Variants in TFPT observed in about 807,000 individuals in gnomAD.
The protein encoded by TFPT is INO80 complex subunit F.
In TFPT, 27 loss-of-function variants were observed where a neutral mutation model predicts 28.8. That is an observed-to-expected ratio of 0.94 (90% confidence interval 0.69 to 1.29). The LOEUF (loss-of-function observed/expected upper bound fraction) is 1.29. Among genes scored for constraint, TFPT ranks in the 50% most tolerant of loss-of-function variants. The probability of loss-of-function intolerance (pLI) is 0.00; values close to 1 mark genes in which losing one functional copy is unlikely to be tolerated. For synonymous variants in TFPT, 152 were observed against 142.8 expected, an observed-to-expected ratio of 1.06 and a Z score of -0.46; for missense variants, 330 against 338.0, an observed-to-expected ratio of 0.98 and a Z score of 0.19.
intron 1 of TFPT, 47 bp downstream of exon 1, chr19:54,115,200 A>G: frequency 6.2e-7 from 1 of 1,613,940 alleles, no homozygotes; most frequent in Middle Eastern, 1.7e-4. Context: ...ATGCAGCTGC[A>G]CTGTTTTCTG....
intron 2 of TFPT, among the ~76,000 whole-genome samples, chr19:54,112,410 G>A (rs183526872): frequency 1.4e-3 from 219 of 152,254 alleles, no homozygotes; most frequent in African/African-American, 4.8e-3. Context: ...AGTCCGTTTG[G>A]GCCTTGGTGT....
At chr19:54,112,306 G>A (rs254267) in intron 2 of TFPT, among the ~76,000 whole-genome samples, 2,489 of 151,790 alleles carry the variant, frequency 0.016, 71 homozygotes, top group African/African-American at 0.057. Flanking sequence ...GAGCTTGGGT[G>A]CATTACTTAA....
rs1267017677 is a variant in TFPT at position 54,115,559 on chromosome 19, C to T, written c.-290G>A. The stretch of plus-strand genomic sequence containing the variant: ...GTCTCGACGCCCCGTCGTCCGGCCA[C>T]AGCGATTCTCTGCTTAGCAGGATCG... On this transcript the variant is annotated 5_prime_UTR_variant, in exon 1 of 6. The change creates a new upstream start codon in the 5' untranslated region. Coordinates refer to ENST00000391759, the MANE Select transcript of TFPT (RefSeq NM_013342.4). 2 of 578,820 alleles carry T rather than the reference C, an allele frequency of 3.5e-6. No individual in the cohort carries two copies. The highest frequency in any genetic ancestry group is 6.2e-6 in the Non-Finnish European group (2 of 324,508). The allele number at this position is 578,820 out of a possible 1,614,324, so 35.9% of individuals were successfully genotyped here. A position where few individuals can be genotyped will look rare whatever the true frequency, so the allele number is the denominator to read the frequency against.
Position 54,108,009 on chromosome 19 carries a change from G to A in TFPT, c.642+17C>T. On this transcript the variant is annotated intron_variant, in intron 5 of 5. Transcript: ENST00000391759. Reference sequence around the variant, plus strand: ...CTGGAGCCCCAGTCCCTCCCCTTGAGTTCCCGCCTTCCTCACCTGCACCGG... The same window carrying A: ...CTGGAGCCCCAGTCCCTCCCCTTGAATTCCCGCCTTCCTCACCTGCACCGG... 6.6e-7 allele frequency: 1 copy of A among 1,515,016 alleles called. No homozygotes were observed. The highest frequency in any genetic ancestry group is 8.8e-7 in the Non-Finnish European group (1 of 1,132,726). 93.8% of individuals were successfully genotyped at this position (1,515,016 alleles called of 1,614,324 possible).
At chr19:54,112,411 G>C (rs1238991832) in intron 2 of TFPT, among the ~76,000 whole-genome samples, 1 of 152,158 alleles carries the variant, frequency 6.6e-6, no homozygotes, top group Non-Finnish European at 1.5e-5. Flanking sequence ...GTCCGTTTGG[G>C]CCTTGGTGTC....
chr19:54,111,516 AG>A (rs1227266262), intron 2 of TFPT, among the ~76,000 whole-genome samples: 13 of 148,432 alleles, frequency 8.8e-5, no homozygotes, highest in Middle Eastern at 3.5e-3. Context: ...AAAAAAAAAA[AG>A]AAAAATACAA....
intron 3 of TFPT, chr19:54,109,263 G>C (rs2073375643): frequency 6.5e-6 from 1 of 152,986 alleles, no homozygotes; most frequent in Non-Finnish European, 1.5e-5. Flanking sequence ...CACAGGTACG[G>C]ACAGAGGAAC....
At chr19:54,109,559 C>T (rs966563411) in intron 3 of TFPT, among the ~76,000 whole-genome samples, 5 of 152,150 alleles carry the variant, frequency 3.3e-5, no homozygotes, top group Admixed American at 1.3e-4. Context: ...GCCACCTGGG[C>T]AGGTTCTGTG....
chr19:54,114,476 T>C lies in TFPT; in HGVS notation c.248A>G (p.Gln83Arg). 6.2e-7 allele frequency: 1 copy of C among 1,613,790 alleles called. No homozygotes were observed. The highest frequency in any genetic ancestry group is 1.1e-5 in the South Asian group (1 of 91,082). Residue 83 changes from glutamine to arginine, a missense_variant, in exon 2 of 6, where the codon CAG (glutamine) becomes CGG (arginine). Transcript: ENST00000391759. ...RQRELNRRKY[Q>R]ALGRRCREIE... ...CTCCCGGCAGCGCCGACCTAGTGCC[T>C]GGTACTTTCTGCGATTTAATTCCCG...
chr19:54,110,446 G>GT lies in TFPT; in HGVS notation c.283-326_283-325insA, dbSNP rs2073421584. Among the ~76,000 whole-genome samples, 3 of 152,280 alleles carry GT rather than the reference G, an allele frequency of 2.0e-5. No individual in the cohort carries two copies. The South Asian group carries it at 6.2e-4, about 32-fold the overall frequency. Reference sequence around the variant, plus strand: ...CTCCCATTAAGTCGAAACACACCAGGCCAGGTGCGGTGGCTCACGCCTGTA... The same window carrying GT: ...CTCCCATTAAGTCGAAACACACCAGGTCCAGGTGCGGTGGCTCACGCCTGTA... On this transcript the variant is annotated intron_variant, in intron 2 of 5. Coordinates refer to ENST00000391759, the MANE Select transcript of TFPT (RefSeq NM_013342.4).
intron 2 of TFPT, 48 bp from the exon 3 acceptor site, chr19:54,110,169 ATTTGT>A (rs775581444): frequency 1.2e-6 from 2 of 1,604,848 alleles, no homozygotes; most frequent in African/African-American, 2.7e-5. Flanking sequence ...GCTCCCGTTC[ATTTGT>A]TTAACGGATG....
At chr19:54,107,623 G>T (rs2073308869) in intron 5 of TFPT, 1 of 278,130 alleles carries the variant, frequency 3.6e-6, no homozygotes, top group South Asian at 9.4e-5. Flanking sequence ...GTGTTCCTGG[G>T]TCCAGATGTT....
intron 2 of TFPT, among the ~76,000 whole-genome samples, chr19:54,111,426 T>C (rs2073449646): frequency 6.8e-6 from 1 of 148,024 alleles, no homozygotes; most frequent in Non-Finnish European, 1.5e-5. Flanking sequence ...GCCTGTAATC[T>C]CAGCTACTCA....
chr19:54,107,958 C>G lies in TFPT; in HGVS notation c.642+68G>C, dbSNP rs906920504. ...CCCTGGCCCCTCCCCTTGAGTCCCCCCTCCTTACCTGCACTGGCGCCGGCT... is the reference window on the plus strand; with the variant it reads ...CCCTGGCCCCTCCCCTTGAGTCCCCGCTCCTTACCTGCACTGGCGCCGGCT... On this transcript the variant is annotated intron_variant, in intron 5 of 5. Coordinates refer to ENST00000391759, the MANE Select transcript of TFPT (RefSeq NM_013342.4). 4.1e-6 allele frequency: 6 copies of G among 1,471,618 alleles called. No individual in the cohort carries two copies. The African/African-American group carries it at 4.2e-5, about 10-fold the overall frequency. 91.2% of individuals were successfully genotyped at this position (1,471,618 alleles called of 1,614,324 possible). A position where few individuals can be genotyped will look rare whatever the true frequency, so the allele number is the denominator to read the frequency against.
chr19:54,115,079 T>A, intron 1 of TFPT, 168 bp downstream of exon 1: 2 of 1,044,970 alleles, frequency 1.9e-6, no homozygotes, highest in Non-Finnish European at 1.4e-6. Context: ...ACCCCTAACC[T>A]TCTCCTCCCT....
chr19:54,111,710 C>G (rs1319258890), intron 2 of TFPT, among the ~76,000 whole-genome samples: 1 of 147,862 alleles, frequency 6.8e-6, no homozygotes, highest in African/African-American at 2.5e-5. Context: ...AAGTGCCAGG[C>G]ACGGTGGCTC....
Position 54,108,114 on chromosome 19 carries a change from T to C in TFPT, c.554A>G (p.Glu185Gly). 5 of 1,575,280 alleles carry C rather than the reference T, an allele frequency of 3.2e-6. No individual in the cohort carries two copies. Among genetic ancestry groups the C allele is most frequent in the Non-Finnish European group, 4.3e-6 (5 of 1,160,364 alleles). Residue 185 changes from glutamate to glycine, a missense_variant, in exon 5 of 6, where the codon GAG becomes GGG. Glu to Gly is a moderately conservative substitution (Grantham distance 98, BLOSUM62 -2). Coordinates refer to ENST00000391759, the MANE Select transcript of TFPT (RefSeq NM_013342.4). Reference protein sequence around the residue: ...PPEPGSPAPGEGPSGRKRRRV... With the variant: ...PPEPGSPAPGGGPSGRKRRRV... ...CCGCCTCTTCCGCCCACTGGGCCCC[T>C]CACCGGGGGCTGGGCTGCCGGGTTC...
intron 3 of TFPT, 165 bp from the exon 4 acceptor site, chr19:54,108,560 C>T (rs1425298591): frequency 6.2e-7 from 1 of 1,604,212 alleles, no homozygotes; most frequent in Non-Finnish European, 8.5e-7. Context: ...TGCCCTTGAC[C>T]AGCCTTGAGA....
chr19:54,108,293 A>G, intron 4 of TFPT, 33 bp downstream of exon 4: 2 of 1,581,520 alleles, frequency 1.3e-6, no homozygotes, highest in Non-Finnish European at 1.7e-6. Flanking sequence ...CTGAGCTCCC[A>G]GTTCCTGACC....
Sources: gnomAD v4.1 joint callset for allele counts (sites outside exome capture counted in the v4.1 genomes callset) on GRCh38, gnomAD v4.1.1 for gene constraint, MANE v1.5 for transcripts, NCBI Gene and HGNC (gene_info 2026-07-23, HGNC 2026-07-21) for gene names.